Variants in TANGO2 observed in about 807,000 individuals in gnomAD.
TANGO2 encodes the protein transport and golgi organization 2 homolog, also known as transport and Golgi organization protein 2 homolog.
Under a neutral mutation model 39.1 loss-of-function variants are expected in TANGO2, and 26 were observed. The observed-to-expected ratio is 0.67, with a 90% CI of 0.49 to 0.92. The LOEUF (loss-of-function observed/expected upper bound fraction) is 0.92, where lower values mean the gene tolerates loss of function less well. TANGO2 is among the 40% of genes least tolerant of loss of function. TANGO2 has a pLI of 0.00. For synonymous variants in TANGO2, 131 were observed against 144.5 expected (o/e 0.91, Z 0.67); for missense variants, 326 against 360.1 (o/e 0.91, Z 0.77).
At chr22:20,027,989 G>A (rs890732102) in intron 1 of TANGO2, among the ~76,000 whole-genome samples, 1 of 152,132 alleles carries the variant, frequency 6.6e-6, no homozygotes, top group East Asian at 1.9e-4. Flanking sequence ...AGTAGAGACC[G>A]GGTTTCACCG....
intron 3 of TANGO2, chr22:20,048,366 T>C (rs961116195): frequency 6.6e-6 from 1 of 152,278 alleles, no homozygotes; most frequent in South Asian, 2.1e-4. Flanking sequence ...TGCTGAACTA[T>C]GAGTCACATA....
intron 6 of TANGO2, among the ~76,000 whole-genome samples, chr22:20,060,488 C>A (rs1218966422): frequency 6.6e-6 from 1 of 152,060 alleles, no homozygotes; most frequent in Non-Finnish European, 1.5e-5. Flanking sequence ...TGGTCTTGAA[C>A]TCCTGGGCTC....
intron 1 of TANGO2, among the ~76,000 whole-genome samples, chr22:20,022,890 G>A (rs1327602223): frequency 1.3e-5 from 2 of 152,242 alleles, no homozygotes; most frequent in African/African-American, 4.8e-5. Context: ...TGCATGAGAA[G>A]CAGGGCCCAT....
At chr22:20,056,803 C>A (rs549876565) in intron 6 of TANGO2, 95 of 456,568 alleles carry the variant, frequency 2.1e-4, no homozygotes, top group Middle Eastern at 1.3e-3. Flanking sequence ...GTTCCGGGGA[C>A]TGCTGGCTCA....
intron 1 of TANGO2, among the ~76,000 whole-genome samples, chr22:20,023,625 C>T (rs569273835): frequency 3.3e-5 from 5 of 152,044 alleles, no homozygotes; most frequent in African/African-American, 4.8e-5. Flanking sequence ...GAGGCCGAGG[C>T]GGGTGGATCA....
At chr22:20,036,949 G>A in intron 2 of TANGO2, 95 bp downstream of exon 2, 4 of 1,613,580 alleles carry the variant, frequency 2.5e-6, no homozygotes, top group Non-Finnish European at 2.5e-6. Flanking sequence ...AGGAAGGTGT[G>A]TGGGCCAGGA....
At chr22:20,029,882 G>A (rs2041508608) in intron 1 of TANGO2, among the ~76,000 whole-genome samples, 2 of 152,208 alleles carry the variant, frequency 1.3e-5, no homozygotes, top group Non-Finnish European at 2.9e-5. Context: ...CACTCTACTG[G>A]GGGTGGTTAA....
intron 1 of TANGO2, among the ~76,000 whole-genome samples, chr22:20,023,554 T>C (rs2040137530): frequency 6.6e-6 from 1 of 152,174 alleles, no homozygotes; most frequent in Non-Finnish European, 1.5e-5. Flanking sequence ...AGTACCACTG[T>C]AGAAAATGTG....
At chr22:20,035,169 T>C (rs1368851942) in intron 1 of TANGO2, among the ~76,000 whole-genome samples, 2 of 152,178 alleles carry the variant, frequency 1.3e-5, no homozygotes, top group Non-Finnish European at 2.9e-5. Flanking sequence ...CCCATCCCCC[T>C]GACCCAGTGC....
At chr22:20,064,429 C>T in intron 8 of TANGO2, 113 bp from the exon 9 acceptor site, 1 of 1,370,614 alleles carries the variant, frequency 7.3e-7, no homozygotes, top group Non-Finnish European at 1.0e-6. Flanking sequence ...GCACAGCCTC[C>T]AGGCATGGGG....
upstream of TANGO2, among the ~76,000 whole-genome samples, chr22:20,018,038 T>C (rs1338597316): frequency 1.3e-5 from 2 of 152,218 alleles, no homozygotes; most frequent in Non-Finnish European, 2.9e-5. Flanking sequence ...TCTTGTCTTA[T>C]CCACCCATAT....
At chr22:20,032,232 G>A (rs764166190) in intron 1 of TANGO2, among the ~76,000 whole-genome samples, 1 of 152,258 alleles carries the variant, frequency 6.6e-6, no homozygotes, top group Non-Finnish European at 1.5e-5. Flanking sequence ...GTGGCCGTGA[G>A]GCCAGTTGAC....
At chr22:20,035,031 C>G (rs1236934062) in intron 1 of TANGO2, among the ~76,000 whole-genome samples, 2 of 152,260 alleles carry the variant, frequency 1.3e-5, no homozygotes, top group Non-Finnish European at 2.9e-5. Flanking sequence ...TTCCAGGGCA[C>G]CCGGCAAGGG....
intron 1 of TANGO2, among the ~76,000 whole-genome samples, chr22:20,027,053 G>A (rs1268522816): frequency 1.3e-5 from 2 of 152,186 alleles, no homozygotes; most frequent in East Asian, 3.8e-4. Flanking sequence ...CATTTGCTCA[G>A]CTTCTGGGGA....
rs545378322 is a variant in TANGO2, at chr22:20,056,155, G to A, written c.451+142G>A. On this transcript the variant is annotated intron_variant, in intron 6 of 8. Coordinates refer to ENST00000327374, the MANE Select transcript of TANGO2 (RefSeq NM_152906.7). ...CATTTAAGTGCCTTATGGTCTGTGGGCACCTTGCCCTGCACCTGGACACTT... is the reference window on the plus strand; with the variant it reads ...CATTTAAGTGCCTTATGGTCTGTGGACACCTTGCCCTGCACCTGGACACTT... The A allele has an allele frequency of 8.2e-5, 61 of 747,838 alleles. No homozygotes were observed. In the African/African-American group the frequency reaches 9.8e-4, roughly 12 times the overall value. 46.3% of individuals were successfully genotyped at this position (747,838 alleles called of 1,614,324 possible).
intron 1 of TANGO2, 119 bp from the exon 2 acceptor site, chr22:20,036,641 C>A: frequency 1.2e-6 from 1 of 849,628 alleles, no homozygotes; most frequent in Non-Finnish European, 1.9e-6. Context: ...TTCCCCCACA[C>A]CCAGCAAGTA....
chr22:20,018,915 A>G (rs1478573379), upstream of TANGO2, among the ~76,000 whole-genome samples: 1 of 152,046 alleles, frequency 6.6e-6, no homozygotes, highest in Non-Finnish European at 1.5e-5. Flanking sequence ...CCCCATCTCT[A>G]CTAAAAGAAT....
intron 3 of TANGO2, chr22:20,048,298 G>C (rs1230736678): frequency 1.3e-5 from 2 of 152,218 alleles, no homozygotes; most frequent in Non-Finnish European, 2.9e-5. Context: ...ATGTGAAGAA[G>C]GACATGTTTG....
At position 20,063,471 on chromosome 22, in the gene TANGO2, C is replaced by T. The variant is rs776134530; in HGVS notation, c.710+29C>T. 3.1e-6 allele frequency: 5 copies of T among 1,588,694 alleles called. No homozygotes were observed. In the African/African-American group the frequency reaches 5.4e-5, roughly 17 times the overall value. ...TTGCAGCACCGTGGGTGCGCCACCTCCTATCCCATGTCCCACCTCCCACGC... is the reference window on the plus strand; with the variant it reads ...TTGCAGCACCGTGGGTGCGCCACCTTCTATCCCATGTCCCACCTCCCACGC... On this transcript the variant is annotated intron_variant, in intron 8 of 8. Coordinates refer to ENST00000327374, the MANE Select transcript of TANGO2 (RefSeq NM_152906.7).
Sources: gnomAD v4.1 joint callset for allele counts (sites outside exome capture counted in the v4.1 genomes callset) on GRCh38, gnomAD v4.1.1 for gene constraint, MANE v1.5 for transcripts, NCBI Gene and HGNC (gene_info 2026-07-23, HGNC 2026-07-21) for gene names.